Variants in MRPL48 observed in about 807,000 individuals in gnomAD.
The protein encoded by MRPL48 is mitochondrial ribosomal protein L48, also known as large ribosomal subunit protein mL48.
MRPL48 carries 16 observed loss-of-function variants against 32.9 expected under a neutral mutation model. That is an observed-to-expected ratio of 0.49 (90% CI 0.33 to 0.74). MRPL48 has a LOEUF of 0.74. Ranked by LOEUF, MRPL48 falls within the 30% of genes least tolerant of loss-of-function variation. The probability of loss-of-function intolerance (pLI) is 0.02; values close to 1 mark genes in which losing one functional copy is unlikely to be tolerated. For synonymous variants in MRPL48, 94 were observed against 89.2 expected, an observed-to-expected ratio of 1.05 and a Z score of -0.31; for missense variants, 206 against 245.3, an observed-to-expected ratio of 0.84 and a Z score of 1.07.
chr11:73,830,750 G>T (rs971492199), intron 4 of MRPL48, among the ~76,000 whole-genome samples: 2 of 152,044 alleles, frequency 1.3e-5, no homozygotes, highest in African/African-American at 2.4e-5. Flanking sequence ...CCTTCGAAAG[G>T]TCCCACACTC....
At chr11:73,854,215 T>C (rs1948450049) in intron 5 of MRPL48, among the ~76,000 whole-genome samples, 1 of 152,230 alleles carries the variant, frequency 6.6e-6, no homozygotes. Flanking sequence ...GCCACATAGC[T>C]AAGTTTCTGG....
chr11:73,818,222 G>T (rs1247848719), intron 3 of MRPL48, among the ~76,000 whole-genome samples: 1 of 151,930 alleles, frequency 6.6e-6, no homozygotes, highest in Non-Finnish European at 1.5e-5. Flanking sequence ...CCGTGTGTGG[G>T]CTCTGGGGAC....
At chr11:73,848,137 G>A (rs1948328600) in intron 5 of MRPL48, among the ~76,000 whole-genome samples, 1 of 151,486 alleles carries the variant, frequency 6.6e-6, no homozygotes, top group Non-Finnish European at 1.5e-5. Context: ...TTAGGTCTGT[G>A]ATCCATTTTG....
Position 73,813,682 on chromosome 11 carries a change from T to G in MRPL48, c.112+5332T>G, listed in dbSNP as rs73547511. 3.8e-3 allele frequency among the ~76,000 whole-genome samples: 578 copies of G among 152,308 alleles called. 4 individuals carry two copies. Among genetic ancestry groups the G allele is most frequent in the African/African-American group, 0.013 (549 of 41,576 alleles). ...CTTTAGATTTTTATATAGTTATGTTTATTAATCTTTGATTTCTAGATTTTG... is the reference window on the plus strand; with the variant it reads ...CTTTAGATTTTTATATAGTTATGTTGATTAATCTTTGATTTCTAGATTTTG... On this transcript the variant is annotated intron_variant, in intron 3 of 7. Transcript: ENST00000310614.
chr11:73,859,355 C>T (rs7124461), intron 5 of MRPL48, among the ~76,000 whole-genome samples: 8,535 of 151,254 alleles, frequency 0.056, 263 homozygotes, highest in Middle Eastern at 0.11. Flanking sequence ...AATCTTGGCT[C>T]ACTGCATCCT....
intron 4 of MRPL48, among the ~76,000 whole-genome samples, chr11:73,831,882 A>G (rs766725943): frequency 2.8e-5 from 4 of 140,802 alleles, no homozygotes; most frequent in Admixed American, 7.8e-5. Context: ...GGAGGTTGCA[A>G]TGAGCCGAGA....
At chr11:73,794,908 C>A (rs1372473956) in intron 1 of MRPL48, among the ~76,000 whole-genome samples, 57 of 145,682 alleles carry the variant, frequency 3.9e-4, no homozygotes, top group African/African-American at 1.3e-3. Context: ...CCATGCCCAG[C>A]TAATTTTTTT....
intron 5 of MRPL48, among the ~76,000 whole-genome samples, chr11:73,849,952 T>C (rs1029351491): frequency 2.6e-5 from 4 of 151,994 alleles, no homozygotes; most frequent in African/African-American, 9.7e-5. Flanking sequence ...ATACAAAAAC[T>C]AGCCTGGCTT....
intron 4 of MRPL48, among the ~76,000 whole-genome samples, chr11:73,831,722 C>T (rs1019065086): frequency 1.1e-4 from 17 of 152,118 alleles, no homozygotes; most frequent in Non-Finnish European, 2.1e-4. Context: ...GGGAGGATCA[C>T]CTGAGGTCAG....
At chr11:73,815,587 C>A (rs1377386012) in intron 3 of MRPL48, among the ~76,000 whole-genome samples, 1 of 152,076 alleles carries the variant, frequency 6.6e-6, no homozygotes, top group African/African-American at 2.4e-5. Flanking sequence ...CTCCTAGGTT[C>A]AAGGGATCCT....
At chr11:73,820,305 A>C (rs1229079072) in intron 3 of MRPL48, among the ~76,000 whole-genome samples, 1 of 151,992 alleles carries the variant, frequency 6.6e-6, no homozygotes, top group Non-Finnish European at 1.5e-5. Context: ...GCTCACTGCA[A>C]ACTCCGCCTC....
intron 3 of MRPL48, among the ~76,000 whole-genome samples, chr11:73,819,471 T>G (rs1947734697): frequency 6.6e-6 from 1 of 152,222 alleles, no homozygotes; most frequent in South Asian, 2.1e-4. Flanking sequence ...CGTTTTATTA[T>G]ATATTGGAGG....
intron 3 of MRPL48, among the ~76,000 whole-genome samples, chr11:73,811,196 A>T (rs1276097450): frequency 6.6e-6 from 1 of 152,094 alleles, no homozygotes; most frequent in Non-Finnish European, 1.5e-5. Flanking sequence ...CTACTGAGAG[A>T]CCAGGAAAAA....
chr11:73,848,040 T>C (rs942130053), intron 5 of MRPL48, among the ~76,000 whole-genome samples: 1 of 152,242 alleles, frequency 6.6e-6, no homozygotes, highest in Admixed American at 6.5e-5. Context: ...TTTTCTTTTA[T>C]ATCTAAGAAA....
intron 1 of MRPL48, among the ~76,000 whole-genome samples, chr11:73,797,902 A>G (rs1947288024): frequency 6.6e-6 from 1 of 152,150 alleles, no homozygotes; most frequent in African/African-American, 2.4e-5. Flanking sequence ...CTGACTTTCC[A>G]AGGACTGTAC....
intron 6 of MRPL48, among the ~76,000 whole-genome samples, 189 bp from the exon 7 acceptor site, chr11:73,862,983 C>T (rs1224686536): frequency 6.6e-6 from 1 of 152,204 alleles, no homozygotes; most frequent in East Asian, 1.9e-4. Context: ...CAGTGAACAT[C>T]TCAGCACCTT....
At chr11:73,806,440 C>G (rs549242619) in intron 2 of MRPL48, among the ~76,000 whole-genome samples, 2 of 152,224 alleles carry the variant, frequency 1.3e-5, no homozygotes, top group East Asian at 3.9e-4. Flanking sequence ...TCATCCCATC[C>G]AAGAGGCCTT....
intron 3 of MRPL48, among the ~76,000 whole-genome samples, chr11:73,817,016 G>C (rs1456170820): frequency 6.6e-6 from 1 of 151,462 alleles, no homozygotes; most frequent in Non-Finnish European, 1.5e-5. Context: ...TTTTTTAATA[G>C]AGACGGGGTT....
chr11:73,837,118 TTC>T (rs1474741492), intron 4 of MRPL48, among the ~76,000 whole-genome samples: 1 of 152,244 alleles, frequency 6.6e-6, no homozygotes, highest in African/African-American at 2.4e-5. Context: ...TCACTAGAAT[TTC>T]TGGAAGCTGA....
Sources: allele counts gnomAD v4.1 joint callset (sites outside exome capture counted in the v4.1 genomes callset), GRCh38; gene constraint gnomAD v4.1.1; transcripts MANE v1.5; gene names NCBI Gene and HGNC (gene_info 2026-07-23, HGNC 2026-07-21).